NICOL1: variants seen among roughly 807,000 people sequenced by gnomAD.
NICOL1 encodes NELL2 interacting cell ontogeny regulator 1.
At chr4:2,041,038 G>A in the NICOL1 span, among the ~76,000 whole-genome samples, 1 of 152,050 alleles carries the variant, frequency 6.6e-6, no homozygotes, top group Admixed American at 6.5e-5. Flanking sequence ...CCTGCACGGC[G>A]AGCGGGGCGG....
chr4:2,041,927 AGC>A, the NICOL1 span: 1 of 1,417,440 alleles, frequency 7.1e-7, no homozygotes, highest in South Asian at 1.5e-5. Context: ...ACCCGCGGCC[AGC>A]GCAGTCTCGG....
the NICOL1 span, chr4:2,042,734 A>C: frequency 2.0e-6 from 3 of 1,506,590 alleles, no homozygotes; most frequent in East Asian, 7.9e-5. Context: ...CGCCCCCCGC[A>C]GGCCGCCCAT....
the NICOL1 span, chr4:2,042,470 C>T: frequency 2.4e-6 from 1 of 422,228 alleles, no homozygotes. Context: ...GCCGGGAGTG[C>T]CGTCCCCGCG....
chr4:2,038,237 G>GTA, the NICOL1 span, among the ~76,000 whole-genome samples: 3,260 of 90,136 alleles, frequency 0.036, 103 homozygotes, highest in Non-Finnish European at 0.052. Flanking sequence ...TGATCAGTGT[G>GTA]TATATATATA....
At chr4:2,038,264 T>C in the NICOL1 span, among the ~76,000 whole-genome samples, 2 of 69,528 alleles carry the variant, frequency 2.9e-5, no homozygotes, top group East Asian at 5.8e-4. Context: ...TATATATATA[T>C]ATATATATAT....
At chr4:2,043,833 C>T in the NICOL1 span, 2 of 1,542,584 alleles carry the variant, frequency 1.3e-6, no homozygotes, top group African/African-American at 2.7e-5. Flanking sequence ...AGCTGGGCTG[C>T]ACCCTCACCC....
At chr4:2,040,713 C>T in the NICOL1 span, among the ~76,000 whole-genome samples, 1 of 152,228 alleles carries the variant, frequency 6.6e-6, no homozygotes, top group East Asian at 1.9e-4. Flanking sequence ...CCACCCGGCC[C>T]CTCGGGCCCC....
the NICOL1 span, among the ~76,000 whole-genome samples, chr4:2,043,073 G>A: frequency 1.3e-5 from 2 of 152,154 alleles, no homozygotes. Flanking sequence ...GGCTCTCACT[G>A]GGCACTTTGT....
chr4:2,037,535 G>C, the NICOL1 span, among the ~76,000 whole-genome samples: 6 of 152,080 alleles, frequency 3.9e-5, no homozygotes, highest in Admixed American at 6.6e-5. Flanking sequence ...ATATAAGAAA[G>C]GGATCTTCTA....
At chr4:2,042,833 C>CCG in the NICOL1 span, 1 of 1,478,280 alleles carries the variant, frequency 6.8e-7, no homozygotes, top group Admixed American at 2.2e-5. Context: ...GGGTGAGCGC[C>CCG]CGCGGCGCGA....
At chr4:2,042,011 G>C in the NICOL1 span, 1 of 1,470,770 alleles carries the variant, frequency 6.8e-7, no homozygotes, top group South Asian at 1.3e-5. Flanking sequence ...GTTGCGCGCC[G>C]GACGCGGAAC....
the NICOL1 span, chr4:2,042,718 G>T: frequency 1.3e-6 from 2 of 1,495,410 alleles, no homozygotes; most frequent in Non-Finnish European, 1.8e-6. Context: ...CCTCCACCCT[G>T]ACCCGCGCCC....
chr4:2,039,485 A>G, the NICOL1 span, among the ~76,000 whole-genome samples: 1 of 152,224 alleles, frequency 6.6e-6, no homozygotes, highest in East Asian at 1.9e-4. Context: ...GTTCTCACCT[A>G]TAAAATATTG....
the NICOL1 span, chr4:2,042,347 T>G: frequency 1.9e-6 from 1 of 514,076 alleles, no homozygotes; most frequent in East Asian, 3.6e-5. Flanking sequence ...CTCCCTCTGC[T>G]GGCCATGGCC....
the NICOL1 span, among the ~76,000 whole-genome samples, chr4:2,041,254 G>A: frequency 1.3e-5 from 2 of 152,244 alleles, no homozygotes; most frequent in South Asian, 4.1e-4. Flanking sequence ...CCGACGGCTG[G>A]GACCATCCCT....
At chr4:2,039,578 G>A in the NICOL1 span, among the ~76,000 whole-genome samples, 1 of 151,734 alleles carries the variant, frequency 6.6e-6, no homozygotes, top group Non-Finnish European at 1.5e-5. Flanking sequence ...CTCACGCCTG[G>A]ATTCCCAGCA....
At chr4:2,041,976 C>G in the NICOL1 span, 1 of 1,453,406 alleles carries the variant, frequency 6.9e-7, no homozygotes, top group Non-Finnish European at 9.0e-7. Flanking sequence ...GGAACCCGGG[C>G]GGGGTCGGGT....
chr4:2,042,263 GGGACGGGGGCTCACCGGCCCGGGGC>G, the NICOL1 span: 1 of 1,096,338 alleles, frequency 9.1e-7, no homozygotes, highest in Non-Finnish European at 1.2e-6. Flanking sequence ...CCCGCGGGAG[GGGACGGGGGCTCACCGGCCCGGGGC>G]GGGCGGGGCG....
At chr4:2,041,793 G>C in the NICOL1 span, 1 of 498,656 alleles carries the variant, frequency 2.0e-6, no homozygotes, top group Non-Finnish European at 3.4e-6. Context: ...GTCTCGCCCC[G>C]GCGCCGCCTC....
Sources: gnomAD v4.1 joint callset for allele counts (sites outside exome capture counted in the v4.1 genomes callset) on GRCh38, gnomAD v4.1.1 for gene constraint, MANE v1.5 for transcripts, NCBI Gene and HGNC (gene_info 2026-07-23, HGNC 2026-07-21) for gene names.